WDR70: variants seen among roughly 807,000 people sequenced by gnomAD.
The protein encoded by WDR70 is WD repeat domain 70, also known as WD repeat-containing protein 70.
In WDR70, 53 loss-of-function variants were observed where a neutral mutation model predicts 88.6. The ratio of observed to expected loss-of-function variants is 0.60; its 90% CI spans 0.48 to 0.75. The LOEUF (loss-of-function observed/expected upper bound fraction) is 0.75, where lower values mean the gene tolerates loss of function less well. Ranked by LOEUF, WDR70 falls within the 30% of genes least tolerant of loss-of-function variation. The pLI, the probability that WDR70 is intolerant of heterozygous loss-of-function variation, is 0.00. For missense variants in WDR70, 610 were observed against 823.2 expected (o/e 0.74, Z 3.17); for synonymous variants, 280 against 270.0 (o/e 1.04, Z -0.36).
In WDR70 at chr5:37,506,859, T is replaced by A. The variant is rs1740575821; in HGVS notation, c.841-9655T>A. The stretch of plus-strand genomic sequence containing the variant: ...TCAGGAACAGGGTCACCCGCCTCAT[T>A]GCGCTGCCCCCGGTGGGTCCTGAGT... On this transcript the variant is annotated intron_variant, in intron 8 of 17. Coordinates refer to ENST00000265107, the MANE Select transcript of WDR70 (RefSeq NM_018034.4). 4.9e-6 allele frequency: 6 copies of A among 1,231,746 alleles called. No individual in the cohort carries two copies. In the South Asian group the frequency reaches 7.2e-5, roughly 15 times the overall value. The allele number at this position is 1,231,746 out of a possible 1,614,324, so 76.3% of individuals were successfully genotyped here. A position where few individuals can be genotyped will look rare whatever the true frequency, so the allele number is the denominator to read the frequency against.
At chr5:37,403,301 T>C (rs1229665655) in intron 5 of WDR70, among the ~76,000 whole-genome samples, 1 of 152,174 alleles carries the variant, frequency 6.6e-6, no homozygotes, top group South Asian at 2.1e-4. Context: ...TCCAACCATA[T>C]TGTAAATTCA....
At chr5:37,463,707 C>G (rs56008521) in intron 7 of WDR70, among the ~76,000 whole-genome samples, 13 of 152,136 alleles carry the variant, frequency 8.5e-5, no homozygotes, top group Non-Finnish European at 2.9e-5. Flanking sequence ...TCTCTTTGAT[C>G]GGAATCTTCG....
intron 9 of WDR70, among the ~76,000 whole-genome samples, chr5:37,584,483 C>A (rs941954342): frequency 6.6e-6 from 1 of 152,062 alleles, no homozygotes; most frequent in African/African-American, 2.4e-5. Context: ...CAGGAAAAAT[C>A]ATCAATTCCC....
chr5:37,500,309 A>G (rs1029478579), intron 8 of WDR70, among the ~76,000 whole-genome samples: 59 of 152,222 alleles, frequency 3.9e-4, no homozygotes, highest in African/African-American at 1.2e-3. Context: ...TGGTGTATAC[A>G]TACCATATAT....
At chr5:37,583,425 A>G (rs972305597) in intron 9 of WDR70, among the ~76,000 whole-genome samples, 2 of 151,754 alleles carry the variant, frequency 1.3e-5, no homozygotes, top group African/African-American at 4.8e-5. Flanking sequence ...TGTCTCAAAA[A>G]AAAAAAAAAA....
At chr5:37,437,875 C>A (rs763942678) in intron 5 of WDR70, 47 bp from the exon 6 acceptor site, 1 of 1,558,750 alleles carries the variant, frequency 6.4e-7, no homozygotes, top group Non-Finnish European at 8.7e-7. Context: ...TAGTTCCCCA[C>A]AAATATGTTA....
chr5:37,387,067 C>G (rs1433708526), intron 3 of WDR70, among the ~76,000 whole-genome samples: 1 of 151,154 alleles, frequency 6.6e-6, no homozygotes, highest in Non-Finnish European at 1.5e-5. Context: ...CCATTGCACT[C>G]CAGCCTGGGC....
chr5:37,480,761 A>G (rs1390788304), intron 8 of WDR70, among the ~76,000 whole-genome samples: 2 of 152,148 alleles, frequency 1.3e-5, no homozygotes, highest in African/African-American at 4.8e-5. Flanking sequence ...TCACATTTCA[A>G]AACCAATCAT....
At chr5:37,747,526 A>G (rs1346543001) in intron 17 of WDR70, among the ~76,000 whole-genome samples, 2 of 152,240 alleles carry the variant, frequency 1.3e-5, no homozygotes, top group Non-Finnish European at 2.9e-5. Context: ...TATTTATGAC[A>G]AACCCACAGC....
At chr5:37,544,229 T>C (rs574365850) in intron 9 of WDR70, among the ~76,000 whole-genome samples, 1 of 152,300 alleles carries the variant, frequency 6.6e-6, no homozygotes, top group Non-Finnish European at 1.5e-5. Context: ...CTTGTAACTA[T>C]AGAATATCCA....
At chr5:37,611,297 A>G (rs16903689) in intron 10 of WDR70, among the ~76,000 whole-genome samples, 16,305 of 151,848 alleles carry the variant, frequency 0.11, 2,821 homozygotes, top group African/African-American at 0.37. Context: ...TTAATGGCTG[A>G]TAATTGCATC....
intron 9 of WDR70, among the ~76,000 whole-genome samples, chr5:37,571,213 C>A (rs1346661099): frequency 6.6e-6 from 1 of 152,134 alleles, no homozygotes; most frequent in Non-Finnish European, 1.5e-5. Context: ...GTAGCGCTGC[C>A]TATTGGATGA....
intron 10 of WDR70, among the ~76,000 whole-genome samples, chr5:37,661,410 G>T (rs1424314892): frequency 6.6e-6 from 1 of 152,198 alleles, no homozygotes; most frequent in African/African-American, 2.4e-5. Flanking sequence ...GTAGTATCTG[G>T]CCTGTGGCCC....
intron 10 of WDR70, among the ~76,000 whole-genome samples, chr5:37,628,513 C>G (rs1744730520): frequency 6.6e-6 from 1 of 152,088 alleles, no homozygotes; most frequent in Non-Finnish European, 1.5e-5. Flanking sequence ...TCTATTTTGT[C>G]TGACATAAGC....
chr5:37,505,845 C>T, intron 8 of WDR70: 1 of 1,366,924 alleles, frequency 7.3e-7, no homozygotes, highest in Non-Finnish European at 1.0e-6. Flanking sequence ...TCTGAGGTTA[C>T]AATTCTTCAA....
At chr5:37,563,898 C>T (rs754705804) in intron 9 of WDR70, among the ~76,000 whole-genome samples, 31 of 132,002 alleles carry the variant, frequency 2.3e-4, no homozygotes, top group African/African-American at 6.7e-4. Flanking sequence ...ACGGGGCGGC[C>T]GGGCAGAGAC....
intron 8 of WDR70, among the ~76,000 whole-genome samples, chr5:37,504,107 A>G (rs992272314): frequency 1.3e-5 from 2 of 152,222 alleles, no homozygotes; most frequent in African/African-American, 4.8e-5. Flanking sequence ...TGTATACAGT[A>G]TGAATAATAG....
At chr5:37,733,388 T>C (rs143414349) in intron 17 of WDR70, among the ~76,000 whole-genome samples, 2 of 152,256 alleles carry the variant, frequency 1.3e-5, no homozygotes, top group African/African-American at 4.8e-5. Context: ...GTGGATATTT[T>C]TGAGAGAACC....
chr5:37,534,013 A>G (rs1015494544), intron 9 of WDR70, among the ~76,000 whole-genome samples: 23 of 152,154 alleles, frequency 1.5e-4, no homozygotes, highest in South Asian at 6.2e-4. Context: ...AGTTACCTCA[A>G]AGGGTCTATG....
Sources: gnomAD v4.1 joint callset for allele counts (sites outside exome capture counted in the v4.1 genomes callset) on GRCh38, gnomAD v4.1.1 for gene constraint, MANE v1.5 for transcripts, NCBI Gene and HGNC (gene_info 2026-07-23, HGNC 2026-07-21) for gene names.